BCL7B: variants seen among roughly 807,000 people sequenced by gnomAD.
BCL7B encodes the protein B-cell CLL/lymphoma 7 protein family member B.
BCL7B carries 11 observed loss-of-function variants against 26.5 expected under a neutral mutation model. That is an observed-to-expected ratio of 0.42 (90% CI 0.26 to 0.69). The LOEUF is 0.69. Among genes scored for constraint, BCL7B ranks in the 30% least tolerant of loss-of-function variants. BCL7B has a pLI of 0.28. For missense variants in BCL7B, 215 were observed against 264.4 expected (o/e 0.81, Z 1.30); for synonymous variants, 111 against 107.9 (o/e 1.03, Z -0.18).
intron 5 of BCL7B, among the ~76,000 whole-genome samples, chr7:73,537,699 C>A (rs1475251690): frequency 6.6e-6 from 1 of 152,036 alleles, no homozygotes; most frequent in African/African-American, 2.4e-5. Context: ...ACTAGCCTGG[C>A]CAACATAGTG....
At chr7:73,539,132 G>A (rs898184452) in intron 4 of BCL7B, among the ~76,000 whole-genome samples, 1 of 151,462 alleles carries the variant, frequency 6.6e-6, no homozygotes, top group African/African-American at 2.4e-5. Context: ...GCTAATTTTT[G>A]TATTTTTAGT....
chr7:73,538,198 G>T, intron 4 of BCL7B, 185 bp from the exon 5 acceptor site: 1 of 414,148 alleles, frequency 2.4e-6, no homozygotes, highest in Non-Finnish European at 4.3e-6. Flanking sequence ...GGCAAAATAC[G>T]GCTAGACTGC....
At chr7:73,554,833 T>A (rs1049975964) in intron 1 of BCL7B, among the ~76,000 whole-genome samples, 2 of 144,098 alleles carry the variant, frequency 1.4e-5, no homozygotes, top group Non-Finnish European at 1.5e-5. Context: ...ATACTGGGAG[T>A]GTAAAGAGAC....
chr7:73,540,829 C>CAAAAAAAAAAAAAAA (rs56111929), intron 3 of BCL7B, among the ~76,000 whole-genome samples: 3 of 50,940 alleles, frequency 5.9e-5, no homozygotes, highest in African/African-American at 2.4e-4. Context: ...GACTCTGTCT[C>CAAAAAAAAAAAAAAA]AAAAAAAAAA....
At chr7:73,548,616 T>C in intron 2 of BCL7B, among the ~76,000 whole-genome samples, 1 of 151,128 alleles carries the variant, frequency 6.6e-6, no homozygotes. Flanking sequence ...AACCGTGTCT[T>C]ACAAAATAAT....
At chr7:73,554,525 C>T (rs1359173967) in intron 1 of BCL7B, among the ~76,000 whole-genome samples, 1 of 151,744 alleles carries the variant, frequency 6.6e-6, no homozygotes, top group African/African-American at 2.4e-5. Context: ...GGGCCGGGCA[C>T]GGTGGCTCAC....
chr7:73,557,406 T>C (rs1584007113), intron 1 of BCL7B, 81 bp downstream of exon 1: 57 of 1,078,038 alleles, frequency 5.3e-5, no homozygotes, highest in South Asian at 1.7e-4. Context: ...GCCGGTCGGC[T>C]CCCACCTGAC....
intron 2 of BCL7B, among the ~76,000 whole-genome samples, chr7:73,545,878 T>C (rs1554583430): frequency 6.6e-6 from 1 of 151,836 alleles, no homozygotes; most frequent in Non-Finnish European, 1.5e-5. Context: ...ACGCCTGTAA[T>C]CCCAGCACTG....
chr7:73,549,087 C>A (rs1252060475), intron 2 of BCL7B, among the ~76,000 whole-genome samples: 1 of 152,096 alleles, frequency 6.6e-6, no homozygotes, highest in Non-Finnish European at 1.5e-5. Context: ...ACTTCCCTTC[C>A]AAGAATATAT....
chr7:73,551,317 C>T lies in BCL7B; in HGVS notation c.168+850G>A, dbSNP rs183599274. ...TTTTTTTTGTTTGTTTGCTTATTTT[C>T]GAGATGGTGTGTCACACTGTTGCCC... On this transcript the variant is annotated intron_variant, in intron 2 of 5. Transcript: ENST00000223368. Among the ~76,000 whole-genome samples the T allele has an allele frequency of 7.3e-4, 111 of 152,036 alleles. 1 individual carries two copies. In the East Asian group the frequency reaches 0.018, roughly 25 times the overall value.
intron 1 of BCL7B, among the ~76,000 whole-genome samples, chr7:73,555,736 A>G (rs1792336625): frequency 6.6e-6 from 1 of 152,186 alleles, no homozygotes; most frequent in Admixed American, 6.5e-5. Context: ...GGGTGCTAGG[A>G]TAAGATGCAC....
At chr7:73,557,381 C>G (rs1355312096) in intron 1 of BCL7B, 106 bp downstream of exon 1, 2 of 1,181,536 alleles carry the variant, frequency 1.7e-6, no homozygotes, top group African/African-American at 1.6e-5. Context: ...CCCGCACCCC[C>G]CTCCCCCAGC....
At chr7:73,554,253 G>A (rs982060448) in intron 1 of BCL7B, among the ~76,000 whole-genome samples, 9 of 151,198 alleles carry the variant, frequency 6.0e-5, no homozygotes, top group Non-Finnish European at 1.2e-4. Flanking sequence ...GTGAGCCACC[G>A]TGCCCAGCCT....
At chr7:73,549,263 A>C (rs1238219628) in intron 2 of BCL7B, among the ~76,000 whole-genome samples, 5 of 152,230 alleles carry the variant, frequency 3.3e-5, no homozygotes, top group Non-Finnish European at 5.9e-5. Context: ...TACAGCAGAG[A>C]GAGCAATGGA....
At chr7:73,543,493 T>C (rs373747203) in intron 3 of BCL7B, 55 bp downstream of exon 3, 12 of 1,513,122 alleles carry the variant, frequency 7.9e-6, no homozygotes, top group South Asian at 4.5e-5. Flanking sequence ...TTCTTATTAA[T>C]GCATTCATCC....
At chr7:73,547,390 G>A in intron 2 of BCL7B, among the ~76,000 whole-genome samples, 1 of 152,104 alleles carries the variant, frequency 6.6e-6, no homozygotes, top group East Asian at 1.9e-4. Context: ...TTGAGCTCAG[G>A]AATTTGAGGC....
At position 73,537,293 on chromosome 7, in the gene BCL7B, T is replaced by C. The variant is rs782715921; in HGVS notation, c.*5A>G. The C allele has an allele frequency of 5.6e-6, 9 of 1,613,778 alleles. No homozygotes were observed. In the Admixed American group the frequency reaches 8.3e-5, roughly 15 times the overall value. ...AGGGCCAGGAGGCGGAGGGCCGGGA[T>C]GGTGCTAGCTTTCTGACGCCGTCTG... On this transcript the variant is annotated 3_prime_UTR_variant, in exon 6 of 6. Coordinates refer to ENST00000223368, the MANE Select transcript of BCL7B (RefSeq NM_001707.4).
intron 1 of BCL7B, among the ~76,000 whole-genome samples, chr7:73,555,561 GGAGAGGA>G (rs1205555618): frequency 6.6e-6 from 1 of 152,114 alleles, no homozygotes; most frequent in African/African-American, 2.4e-5. Flanking sequence ...GCAAGAGGGA[GGAGAGGA>G]GAGAGGAAGA....
chr7:73,544,649 C>CA (rs1205435011), intron 2 of BCL7B, among the ~76,000 whole-genome samples: 1 of 151,660 alleles, frequency 6.6e-6, no homozygotes, highest in African/African-American at 2.4e-5. Flanking sequence ...CAAAAAAACC[C>CA]AAAAAACAAA....
Sources: gnomAD v4.1 joint callset for allele counts (sites outside exome capture counted in the v4.1 genomes callset) on GRCh38, gnomAD v4.1.1 for gene constraint, MANE v1.5 for transcripts, NCBI Gene and HGNC (gene_info 2026-07-23, HGNC 2026-07-21) for gene names.